TRPC6: variants seen among roughly 807,000 people sequenced by gnomAD.
The protein encoded by TRPC6 is transient receptor potential cation channel subfamily C member 6.
TRPC6 carries 55 observed loss-of-function variants against 90.7 expected under a neutral mutation model. The observed-to-expected ratio is 0.61, with a 90% confidence interval of 0.49 to 0.76. The LOEUF is 0.76. TRPC6 is among the 30% of genes least tolerant of loss of function. The pLI, the probability that TRPC6 is intolerant of heterozygous loss-of-function variation, is 0.00. For synonymous variants in TRPC6, 393 were observed against 393.0 expected, an observed-to-expected ratio of 1.00 and a Z score of 0.00; for missense variants, 989 against 1,122.7, an observed-to-expected ratio of 0.88 and a Z score of 1.70.
intron 1 of TRPC6, among the ~76,000 whole-genome samples, chr11:101,511,592 A>G (rs1341874440): frequency 2.0e-5 from 3 of 152,126 alleles, no homozygotes; most frequent in Admixed American, 6.5e-5. Flanking sequence ...TTCATTTCAA[A>G]TAAGTAGTGA....
In TRPC6 at chr11:101,504,332, C is replaced by T; in HGVS notation, c.637G>A (p.Gly213Arg). The T allele has an allele frequency of 6.2e-7, 1 of 1,613,976 alleles. No homozygotes were observed. The highest frequency in any genetic ancestry group is 8.5e-7 in the Non-Finnish European group (1 of 1,179,922). ...GTCACATCATGGGAGAACCGTGTCC[C>T]ATCTTCATCATAGGCATAAAAATCA... ...QDDFYAYDED[G>R]TRFSHDVTPI... The change falls in exon 2 of 13, where the codon GGG (glycine) becomes AGG (arginine). Residue 213 changes from glycine (G) to arginine (R), a missense_variant. Transcript: ENST00000344327.
intron 12 of TRPC6, 56 bp downstream of exon 12, chr11:101,453,594 T>C: frequency 1.3e-6 from 2 of 1,537,620 alleles, no homozygotes; most frequent in Admixed American, 1.7e-5. Flanking sequence ...CACTCTGCGC[T>C]AGGCCCCCGT....
At chr11:101,531,264 T>C (rs1860906390) in intron 1 of TRPC6, among the ~76,000 whole-genome samples, 1 of 152,168 alleles carries the variant, frequency 6.6e-6, no homozygotes, top group African/African-American at 2.4e-5. Context: ...TCAATCCCCA[T>C]AAGAACTCTA....
chr11:101,494,733 G>A (rs141529159), intron 2 of TRPC6, among the ~76,000 whole-genome samples: 78 of 152,292 alleles, frequency 5.1e-4, no homozygotes, highest in Non-Finnish European at 1.0e-3. Context: ...AAAGTAAAGT[G>A]CAAGAGCTTT....
At position 101,504,708 on chromosome 11, in the gene TRPC6, C is replaced by T; in HGVS notation, c.261G>A (p.Met87Ile). The T allele has an allele frequency of 6.3e-7, 1 of 1,594,688 alleles. No homozygotes were observed. The highest frequency in any genetic ancestry group is 8.5e-7 in the Non-Finnish European group (1 of 1,169,728). Residue 87 changes from methionine to isoleucine, a missense_variant, in exon 2 of 13, where the codon ATG becomes ATA. Around this residue, in one of 4 missense-constraint regions of TRPC6, gnomAD observed 194 missense variants for 136.5 expected, o/e 1.42. Transcript: ENST00000344327. ...ATAGGCTTGTGGAGCGATCACTAAA[C>T]ATGTATGCTGGTCCTCGATTAGCTA... ...RRLANRGPAY[M>I]FSDRSTSLSI...
rs1860906885 is a variant in TRPC6, at chr11:101,531,286, A to G, written c.171-26488T>C. Among the ~76,000 whole-genome samples, 3 of 152,348 alleles carry G rather than the reference A, an allele frequency of 2.0e-5. No individual in the cohort carries two copies. The South Asian group carries it at 6.2e-4, about 32-fold the overall frequency. On this transcript the variant is annotated intron_variant, in intron 1 of 12. Transcript: ENST00000344327. The stretch of plus-strand genomic sequence containing the variant: ...CCATAAGAACTCTATGAGGTACATG[A>G]TATTAGTACCAGCACTTTACAAGTG...
chr11:101,578,798 C>T (rs1225133180), intron 1 of TRPC6, among the ~76,000 whole-genome samples: 1 of 152,072 alleles, frequency 6.6e-6, no homozygotes, highest in Non-Finnish European at 1.5e-5. Flanking sequence ...AGCCATAGTT[C>T]TTACAAGCTA....
intron 1 of TRPC6, among the ~76,000 whole-genome samples, chr11:101,537,530 T>C (rs375324271): frequency 1.1e-4 from 17 of 152,316 alleles, no homozygotes; most frequent in African/African-American, 4.1e-4. Context: ...CATGGCCTTA[T>C]GTGGATGTTT....
intron 1 of TRPC6, among the ~76,000 whole-genome samples, chr11:101,578,709 A>T (rs1265989034): frequency 6.6e-6 from 1 of 152,170 alleles, no homozygotes; most frequent in Non-Finnish European, 1.5e-5. Flanking sequence ...TATTTAGTAC[A>T]TATCCATCGG....
intron 5 of TRPC6, among the ~76,000 whole-genome samples, chr11:101,481,943 G>C (rs1366398206): frequency 1.3e-5 from 2 of 152,138 alleles, no homozygotes; most frequent in East Asian, 3.9e-4. Context: ...TATTGCCATA[G>C]TTCCACATCT....
intron 2 of TRPC6, among the ~76,000 whole-genome samples, chr11:101,499,585 CGTATATATATACGTATATATG>C (rs1311669821): frequency 4.5e-5 from 3 of 66,798 alleles, no homozygotes; most frequent in African/African-American, 7.4e-5. Context: ...TGTATATATA[CGTATATATATACGTATATATG>C]GTATATATAT....
chr11:101,554,854 CT>C (rs1290485056), intron 1 of TRPC6, among the ~76,000 whole-genome samples: 3 of 152,144 alleles, frequency 2.0e-5, no homozygotes, highest in Non-Finnish European at 4.4e-5. Flanking sequence ...CTTGCCCTAG[CT>C]TGTCCTCCCA....
rs759242132 is a variant in TRPC6 at position 101,583,318 on chromosome 11, C to T, written c.170+16G>A. 5 of 1,568,458 alleles carry T rather than the reference C, an allele frequency of 3.2e-6. No individual in the cohort carries two copies. The highest frequency in any genetic ancestry group is 2.4e-5 in the East Asian group (1 of 42,224). The stretch of plus-strand genomic sequence containing the variant: ...CGCAGCCCGCGCCCGATCCGCCCCG[C>T]GTCGCCGGCACTCACAAGCAGGGGT... On this transcript the variant is annotated intron_variant, in intron 1 of 12. Coordinates refer to ENST00000344327, the MANE Select transcript of TRPC6 (RefSeq NM_004621.6).
At chr11:101,527,881 G>C (rs575509936) in intron 1 of TRPC6, among the ~76,000 whole-genome samples, 5 of 151,996 alleles carry the variant, frequency 3.3e-5, no homozygotes, top group Non-Finnish European at 7.4e-5. Flanking sequence ...AGACCAGCCT[G>C]GCCAACATGG....
intron 2 of TRPC6, 62 bp downstream of exon 2, chr11:101,503,962 G>A: frequency 6.2e-7 from 1 of 1,603,210 alleles, no homozygotes; most frequent in African/African-American, 1.3e-5. Flanking sequence ...CATGGGGGAA[G>A]CTGGTAAATA....
chr11:101,481,420 C>T (rs1355114506), intron 5 of TRPC6, among the ~76,000 whole-genome samples: 1 of 152,156 alleles, frequency 6.6e-6, no homozygotes, highest in Non-Finnish European at 1.5e-5. Context: ...CCCAAATACT[C>T]CCAGGGATCA....
chr11:101,566,550 G>A (rs145019809), intron 1 of TRPC6, among the ~76,000 whole-genome samples: 17 of 152,286 alleles, frequency 1.1e-4, no homozygotes, highest in African/African-American at 3.9e-4. Context: ...TAGAGATCAA[G>A]AATATATCAC....
chr11:101,558,160 TACACAAAC>T (rs1362731660), intron 1 of TRPC6, among the ~76,000 whole-genome samples: 1 of 148,674 alleles, frequency 6.7e-6, no homozygotes, highest in Non-Finnish European at 1.5e-5. Flanking sequence ...TACTGGCAAA[TACACAAAC>T]ACACAAATAT....
intron 4 of TRPC6, 145 bp from the exon 5 acceptor site, chr11:101,483,310 T>A: frequency 9.5e-7 from 1 of 1,055,778 alleles, no homozygotes; most frequent in Non-Finnish European, 1.4e-6. Context: ...CGTGATAGAG[T>A]AATATCTTTA....
Sources: allele counts gnomAD v4.1 joint callset (sites outside exome capture counted in the v4.1 genomes callset), GRCh38; gene constraint gnomAD v4.1.1; regional missense constraint gnomAD v4.1.1; transcripts MANE v1.5; gene names NCBI Gene and HGNC (gene_info 2026-07-23, HGNC 2026-07-21).